KIAA0825: variants seen among roughly 807,000 people sequenced by gnomAD.
KIAA0825 encodes KIAA0825.
In KIAA0825, 119 loss-of-function variants were observed where a neutral mutation model predicts 147.6. The ratio of observed to expected loss-of-function variants is 0.81; its 90% confidence interval spans 0.69 to 0.94. The LOEUF (loss-of-function observed/expected upper bound fraction) is 0.94, where lower values mean the gene tolerates loss of function less well. KIAA0825 is among the 40% of genes least tolerant of loss of function. The pLI, the probability that KIAA0825 is intolerant of heterozygous loss-of-function variation, is 0.00. For synonymous variants in KIAA0825, 470 were observed against 518.1 expected, an observed-to-expected ratio of 0.91 and a Z score of 1.26; for missense variants, 1,381 against 1,472.7, an observed-to-expected ratio of 0.94 and a Z score of 1.02.
intron 12 of KIAA0825, among the ~76,000 whole-genome samples, chr5:94,455,270 A>G (rs915351346): frequency 1.3e-5 from 2 of 152,202 alleles, no homozygotes; most frequent in Non-Finnish European, 2.9e-5. Flanking sequence ...TTAAAGAAAC[A>G]TTCAAGCAAA....
In KIAA0825 at chr5:94,464,974, T is replaced by A; in HGVS notation, c.1958A>T (p.Lys653Met). 6.4e-7 allele frequency: 1 copy of A among 1,551,648 alleles called. No homozygotes were observed. The highest frequency in any genetic ancestry group is 8.7e-7 in the Non-Finnish European group (1 of 1,146,956). ...HYDLWTILPPKLAQEILVEVL... is the reference protein window; with the variant it reads ...HYDLWTILPPMLAQEILVEVL... ...TTCCACTAGAATCTCCTGGGCTAAC[T>A]TAGGAGGCAGAATGGTCCAGAGATC... The change falls in exon 11 of 21, where the codon AAG becomes ATG. Residue 653 changes from lysine to methionine, a missense_variant. Lys to Met is a moderately conservative substitution (Grantham distance 95). Coordinates refer to ENST00000682413, the MANE Select transcript of KIAA0825 (RefSeq NM_001145678.3).
rs1584432185 is a variant in KIAA0825, at chr5:94,417,205, G to T, written c.2658C>A (p.Ile886=). 1 of 1,550,228 alleles carries T rather than the reference G, an allele frequency of 6.5e-7. No individual in the cohort carries two copies. Among genetic ancestry groups the T allele is most frequent in the African/African-American group, 1.4e-5 (1 of 72,968 alleles). The change falls in exon 15 of 21, where the codon ATC becomes ATA. Residue 886 remains isoleucine (I), a synonymous_variant. Coordinates refer to ENST00000682413, the MANE Select transcript of KIAA0825 (RefSeq NM_001145678.3). The part of the protein sequence containing the change: ...EEQLWDFLYN[I]PVSTCVEYEL... ...CAAACAGTAAATGTCTCATACCTGG[G>T]ATGTTATATAAAAAGTCCCATAATT... is the stretch of plus-strand genomic sequence containing the variant.
chr5:94,554,926 C>T (rs1223168110), intron 2 of KIAA0825, among the ~76,000 whole-genome samples: 1 of 151,100 alleles, frequency 6.6e-6, no homozygotes, highest in Non-Finnish European at 1.5e-5. Flanking sequence ...AATCATAATG[C>T]TATAAATTGC....
chr5:94,391,765 G>C, intron 17 of KIAA0825, 71 bp from the exon 18 acceptor site: 1 of 1,202,052 alleles, frequency 8.3e-7, no homozygotes, highest in Non-Finnish European at 1.1e-6. Context: ...CATGGAGATG[G>C]AGTGTGGAGA....
intron 20 of KIAA0825, among the ~76,000 whole-genome samples, chr5:94,250,440 A>G (rs1775890512): frequency 6.6e-6 from 1 of 152,144 alleles, no homozygotes. Context: ...TGCAGCTATA[A>G]TCTTCCACAA....
intron 1 of KIAA0825, among the ~76,000 whole-genome samples, chr5:94,596,265 ATAAG>A (rs1785293302): frequency 6.6e-6 from 1 of 152,154 alleles, no homozygotes; most frequent in Non-Finnish European, 1.5e-5. Flanking sequence ...TGTACATCAT[ATAAG>A]TAAGGGGTCC....
At chr5:94,213,333 T>C (rs769175859) in intron 20 of KIAA0825, among the ~76,000 whole-genome samples, 9 of 152,140 alleles carry the variant, frequency 5.9e-5, no homozygotes, top group Non-Finnish European at 1.2e-4. Flanking sequence ...ATGAGTCCTT[T>C]CTCTTGGTAA....
intron 1 of KIAA0825, among the ~76,000 whole-genome samples, chr5:94,607,768 G>T (rs894441192): frequency 2.0e-5 from 3 of 152,228 alleles, no homozygotes; most frequent in Non-Finnish European, 4.4e-5. Flanking sequence ...ACAAAGCTAA[G>T]ATCAAGTAGT....
intron 20 of KIAA0825, among the ~76,000 whole-genome samples, chr5:94,266,758 CTTATG>C (rs1410838806): frequency 1.3e-5 from 2 of 151,976 alleles, no homozygotes; most frequent in African/African-American, 2.4e-5. Context: ...TAAAACATAA[CTTATG>C]TTAATATGTA....
At position 94,468,156 on chromosome 5, in the gene KIAA0825, T is replaced by C. The variant is rs137920915; in HGVS notation, c.1872+1805A>G. The stretch of plus-strand genomic sequence containing the variant: ...TAAGATCTAAGAGCTGCATGTTACA[T>C]GGTAATTTGTTGGTTTTTAAAATAC... On this transcript the variant is annotated intron_variant, in intron 10 of 20. Coordinates refer to ENST00000682413, the MANE Select transcript of KIAA0825 (RefSeq NM_001145678.3). Among the ~76,000 whole-genome samples the C allele has an allele frequency of 2.6e-5, 4 of 152,158 alleles. No homozygotes were observed. In the South Asian group the frequency reaches 8.3e-4, roughly 32 times the overall value.
intron 14 of KIAA0825, among the ~76,000 whole-genome samples, chr5:94,421,784 TC>T (rs1306910770): frequency 6.6e-6 from 1 of 152,124 alleles, no homozygotes; most frequent in African/African-American, 2.4e-5. Flanking sequence ...TTTCTATGAT[TC>T]CCCAATATTC....
chr5:94,487,171 T>C (rs1054195874), intron 5 of KIAA0825, among the ~76,000 whole-genome samples: 1 of 152,218 alleles, frequency 6.6e-6, no homozygotes, highest in Non-Finnish European at 1.5e-5. Flanking sequence ...ATTCCAGGAA[T>C]ACAACAATCG....
intron 2 of KIAA0825, among the ~76,000 whole-genome samples, chr5:94,538,168 CAG>C (rs905941565): frequency 6.6e-6 from 1 of 152,218 alleles, no homozygotes; most frequent in East Asian, 1.9e-4. Context: ...AACACATAAA[CAG>C]ATATATTTAA....
intron 2 of KIAA0825, among the ~76,000 whole-genome samples, chr5:94,576,945 G>T (rs1781162444): frequency 6.6e-6 from 1 of 152,096 alleles, no homozygotes; most frequent in African/African-American, 2.4e-5. Flanking sequence ...CAATTTGTTG[G>T]ATAATGACGC....
chr5:94,452,269 C>T (rs545407423), intron 13 of KIAA0825, among the ~76,000 whole-genome samples: 6 of 152,260 alleles, frequency 3.9e-5, no homozygotes, highest in African/African-American at 1.4e-4. Flanking sequence ...GGGTGACAAT[C>T]TTGTTCCTCA....
chr5:94,225,823 G>A (rs542128410), intron 20 of KIAA0825, among the ~76,000 whole-genome samples: 1 of 152,166 alleles, frequency 6.6e-6, no homozygotes, highest in African/African-American at 2.4e-5. Context: ...ACAAAAATTG[G>A]TTTTAAAATC....
chr5:94,380,345 T>C (rs1748225068), intron 20 of KIAA0825, among the ~76,000 whole-genome samples: 1 of 152,240 alleles, frequency 6.6e-6, no homozygotes, highest in African/African-American at 2.4e-5. Context: ...TAAGAATACC[T>C]ACCCTGTGCT....
chr5:94,615,811 T>C (rs772419097), intron 1 of KIAA0825: 4 of 152,168 alleles, frequency 2.6e-5, no homozygotes, highest in African/African-American at 4.8e-5. Context: ...GAATCATTCA[T>C]TCAATAAATG....
At chr5:94,284,536 T>C (rs1018433111) in intron 20 of KIAA0825, among the ~76,000 whole-genome samples, 2 of 152,130 alleles carry the variant, frequency 1.3e-5, no homozygotes, top group Non-Finnish European at 2.9e-5. Context: ...GACATTTCTA[T>C]AGCAAAAATT....
Sources: allele counts gnomAD v4.1 joint callset (sites outside exome capture counted in the v4.1 genomes callset), GRCh38; gene constraint gnomAD v4.1.1; transcripts MANE v1.5; gene names NCBI Gene and HGNC (gene_info 2026-07-23, HGNC 2026-07-21).